AKAP7: variants seen among roughly 807,000 people sequenced by gnomAD.
AKAP7 encodes the protein A-kinase anchoring protein 7.
In AKAP7, 39 loss-of-function variants were observed where a neutral mutation model predicts 39.5. The ratio of observed to expected loss-of-function variants is 0.99; its 90% CI spans 0.76 to 1.29. The LOEUF (loss-of-function observed/expected upper bound fraction) is 1.29. Among genes scored for constraint, AKAP7 ranks in the 50% most tolerant of loss-of-function variants. The pLI is 0.00. For synonymous variants in AKAP7, 140 were observed against 139.1 expected, an observed-to-expected ratio of 1.01 and a Z score of -0.05; for missense variants, 414 against 407.7, an observed-to-expected ratio of 1.02 and a Z score of -0.13.
At chr6:131,171,092 T>C (rs1284301642) in intron 5 of AKAP7, among the ~76,000 whole-genome samples, 1 of 152,152 alleles carries the variant, frequency 6.6e-6, no homozygotes, top group Non-Finnish European at 1.5e-5. Flanking sequence ...CAAGGAATTA[T>C]ACTTGAGTAG....
upstream of AKAP7, among the ~76,000 whole-genome samples, chr6:131,135,271 A>G (rs1298647234): frequency 6.6e-6 from 1 of 152,216 alleles, no homozygotes; most frequent in Non-Finnish European, 1.5e-5. Context: ...CGGGAAATAA[A>G]TGAGGGCTGC....
chr6:131,265,603 T>C (rs563682826), intron 7 of AKAP7, among the ~76,000 whole-genome samples: 2 of 152,196 alleles, frequency 1.3e-5, no homozygotes, highest in South Asian at 2.1e-4. Context: ...GAGAAAGCAA[T>C]ATAAATAGTT....
chr6:131,234,966 T>A (rs1046862969), intron 7 of AKAP7, among the ~76,000 whole-genome samples: 4 of 152,180 alleles, frequency 2.6e-5, no homozygotes. Flanking sequence ...GCAGGTTTGT[T>A]ACATATGTAC....
intron 3 of AKAP7, 33 bp from the exon 4 acceptor site, chr6:131,165,048 G>A: frequency 6.7e-7 from 1 of 1,493,444 alleles, no homozygotes; most frequent in Non-Finnish European, 8.9e-7. Flanking sequence ...CTAATCACTG[G>A]AATTTTTTTT....
chr6:131,154,639 A>G (rs1584961244), intron 2 of AKAP7, among the ~76,000 whole-genome samples: 1 of 152,110 alleles, frequency 6.6e-6, no homozygotes, highest in East Asian at 1.9e-4. Context: ...TATTTCTTTA[A>G]AAGGTAAAGA....
chr6:131,281,511 T>C lies in AKAP7; in HGVS notation c.851-19T>C, dbSNP rs1291455551. 2 of 1,573,840 alleles carry C rather than the reference T, an allele frequency of 1.3e-6. No individual in the cohort carries two copies. The highest frequency in any genetic ancestry group is 4.6e-5 in the East Asian group (2 of 43,198). On this transcript the variant is annotated intron_variant, in intron 7 of 7. Coordinates refer to ENST00000431975, the MANE Select transcript of AKAP7 (RefSeq NM_016377.4). The surrounding 1 kb of genome is among the most constrained non-coding windows in gnomAD (Gnocchi z 4.0). ...GCAATGTGATCTCAGTGACCTCTCT[T>C]CTCTATTGTGGAATGTAGGTGAAAA... is the stretch of plus-strand genomic sequence containing the variant.
intron 6 of AKAP7, among the ~76,000 whole-genome samples, chr6:131,201,695 A>G (rs907796990): frequency 6.6e-6 from 1 of 152,144 alleles, no homozygotes; most frequent in Non-Finnish European, 1.5e-5. Context: ...GGTAATGCCT[A>G]GGTTTTCTTC....
intron 5 of AKAP7, among the ~76,000 whole-genome samples, chr6:131,191,822 C>CCTGGTCCT (rs2128272938): frequency 6.6e-6 from 1 of 151,856 alleles, no homozygotes; most frequent in African/African-American, 2.4e-5. Flanking sequence ...TTTCAGCCTG[C>CCTGGTCCT]CTGGTCCTCT....
At chr6:131,252,722 A>G (rs1467555820) in intron 7 of AKAP7, among the ~76,000 whole-genome samples, 2 of 152,224 alleles carry the variant, frequency 1.3e-5, no homozygotes, top group Admixed American at 1.3e-4. Context: ...TTGTGCTGAT[A>G]ATGTGAAAGA....
intron 6 of AKAP7, among the ~76,000 whole-genome samples, chr6:131,211,816 T>C (rs1206611821): frequency 1.3e-5 from 2 of 150,720 alleles, no homozygotes; most frequent in African/African-American, 4.9e-5. Flanking sequence ...ATGTAATCCC[T>C]GTAATTCTAT....
intron 7 of AKAP7, among the ~76,000 whole-genome samples, chr6:131,268,174 T>G (rs1261107126): frequency 6.6e-6 from 1 of 152,196 alleles, no homozygotes; most frequent in Non-Finnish European, 1.5e-5. Context: ...TATGTGCTAT[T>G]TCTCACATAA....
In AKAP7 at chr6:131,162,529, A is replaced by G. The variant is rs781532348; in HGVS notation, c.291+2331A>G. Among the ~76,000 whole-genome samples, 103 of 152,192 alleles carry G rather than the reference A, an allele frequency of 6.8e-4. 1 individual carries two copies. The highest frequency in any genetic ancestry group is 1.2e-3 in the Admixed American group (18 of 15,284). ...GTGATAATACCTCCTTTAGATGACT[A>G]TTTTTTAAACCCGAATATAGCCGTG... is the stretch of plus-strand genomic sequence containing the variant. On this transcript the variant is annotated intron_variant, in intron 3 of 7. Coordinates refer to ENST00000431975, the MANE Select transcript of AKAP7 (RefSeq NM_016377.4).
At chr6:131,242,144 G>A (rs917333894) in intron 7 of AKAP7, 1 of 984,624 alleles carries the variant, frequency 1.0e-6, no homozygotes, top group African/African-American at 1.7e-5. Flanking sequence ...TTCATGAATT[G>A]TGGTTCTATT....
At chr6:131,154,629 T>C (rs1046753635) in intron 2 of AKAP7, among the ~76,000 whole-genome samples, 5 of 152,172 alleles carry the variant, frequency 3.3e-5, no homozygotes, top group African/African-American at 1.2e-4. Context: ...TACTTTAGTA[T>C]ATTTCTTTAA....
chr6:131,224,730 C>CTTTTTTTT lies in AKAP7; in HGVS notation c.850+4944_850+4951dup, dbSNP rs779047229. On this transcript the variant is annotated intron_variant, in intron 7 of 7. Coordinates refer to ENST00000431975, the MANE Select transcript of AKAP7 (RefSeq NM_016377.4). ...GTTTGTAAAGTTTCCAGTTGATTCA[C>CTTTTTTTT]TTTTTTTTTTTTTTTTTTTTTTTTT... 3.4e-4 allele frequency among the ~76,000 whole-genome samples: 19 copies of CTTTTTTTT among 55,110 alleles called. 5 individuals are homozygous for CTTTTTTTT. The highest frequency in any genetic ancestry group is 9.5e-4 in the African/African-American group (13 of 13,686). 36.2% of individuals were successfully genotyped at this position (55,110 alleles called of 152,430 possible).
At chr6:131,161,305 T>C (rs1169470548) in intron 3 of AKAP7, among the ~76,000 whole-genome samples, 1 of 152,054 alleles carries the variant, frequency 6.6e-6, no homozygotes, top group East Asian at 1.9e-4. Flanking sequence ...TATTCTGATT[T>C]TACTGATACA....
chr6:131,272,381 T>C (rs1814360102), intron 7 of AKAP7, among the ~76,000 whole-genome samples: 1 of 152,154 alleles, frequency 6.6e-6, no homozygotes, highest in African/African-American at 2.4e-5. Flanking sequence ...TCCTACTATT[T>C]TTATTGTTTC....
At chr6:131,196,717 TA>T (rs1806967113) in intron 5 of AKAP7, among the ~76,000 whole-genome samples, 1 of 152,158 alleles carries the variant, frequency 6.6e-6, no homozygotes, top group African/African-American at 2.4e-5. Flanking sequence ...TGTTTTTGGA[TA>T]AAAAGACCAC....
At chr6:131,180,712 CT>C (rs1271882807) in intron 5 of AKAP7, among the ~76,000 whole-genome samples, 1 of 152,154 alleles carries the variant, frequency 6.6e-6, no homozygotes, top group Non-Finnish European at 1.5e-5. Flanking sequence ...TCGTGGGCCC[CT>C]GATAGCTTTG....
Sources: allele counts gnomAD v4.1 joint callset (sites outside exome capture counted in the v4.1 genomes callset), GRCh38; gene constraint gnomAD v4.1.1; non-coding constraint Gnocchi (gnomAD v3.1); transcripts MANE v1.5; gene names NCBI Gene and HGNC (gene_info 2026-07-23, HGNC 2026-07-21).